BAG3: variants seen among roughly 807,000 people sequenced by gnomAD.
BAG3 encodes the protein BAG cochaperone 3, also known as BAG family molecular chaperone regulator 3.
In BAG3, 14 loss-of-function variants were observed where a neutral mutation model predicts 40.5. The observed-to-expected ratio is 0.35, with a 90% CI of 0.23 to 0.54. BAG3 has a LOEUF of 0.54. Ranked by LOEUF, BAG3 falls within the 20% of genes least tolerant of loss-of-function variation. The probability of loss-of-function intolerance (pLI) is 0.91; values close to 1 mark genes in which losing one functional copy is unlikely to be tolerated. For missense variants in BAG3, 788 were observed against 758.6 expected (o/e 1.04, Z -0.46); for synonymous variants, 302 against 307.8 (o/e 0.98, Z 0.20).
At chr10:119,665,841 G>T (rs752812825) in intron 1 of BAG3, among the ~76,000 whole-genome samples, 5 of 152,024 alleles carry the variant, frequency 3.3e-5, no homozygotes, top group Non-Finnish European at 7.4e-5. Flanking sequence ...TAGAAGGGGA[G>T]CCTGGAACGT....
rs760856949 is a variant in BAG3, at chr10:119,669,894, G to C, written c.224G>C (p.Arg75Thr). 2 of 1,614,190 alleles carry C rather than the reference G, an allele frequency of 1.2e-6. No homozygotes were observed. The highest frequency in any genetic ancestry group is 1.7e-6 in the Non-Finnish European group (2 of 1,180,042). Residue 75 changes from arginine (R) to threonine (T), a missense_variant, in exon 2 of 4, where the codon AGG (arginine) becomes ACG (threonine). Arg to Thr is a moderately conservative substitution (Grantham distance 71). Coordinates refer to ENST00000369085, the MANE Select transcript of BAG3 (RefSeq NM_004281.4). ...SANGPSREGS[R>T]LPPAREGHPV... ...AATGGCCCTTCCCGGGAGGGCTCTA[G>C]GCTGCCGCCTGCTAGGGAAGGCCAC...
chr10:119,674,945 C>G (rs889549404), intron 3 of BAG3, among the ~76,000 whole-genome samples: 10 of 152,108 alleles, frequency 6.6e-5, no homozygotes, highest in African/African-American at 2.2e-4. Context: ...ACTGCACACT[C>G]CAGCCTGGGT....
intron 1 of BAG3, among the ~76,000 whole-genome samples, chr10:119,659,556 TGCAGGTGGGA>T (rs1459882962): frequency 6.6e-6 from 1 of 152,198 alleles, no homozygotes; most frequent in Non-Finnish European, 1.5e-5. Flanking sequence ...GAGAAGCCAC[TGCAGGTGGGA>T]GCAGAGCCCC....
At position 119,672,069 on chromosome 10, in the gene BAG3, G is replaced by A. The variant is rs774272767; in HGVS notation, c.508-186G>A. Among the ~76,000 whole-genome samples the A allele has an allele frequency of 3.9e-5, 6 of 152,194 alleles. No individual in the cohort carries two copies. The highest frequency in any genetic ancestry group is 8.8e-5 in the Non-Finnish European group (6 of 68,032). ...CTCCCAAAGTGCTGGGATTACAGGT[G>A]TGAGCCACCGCGCCCAGCCCCAGAG... is the stretch of plus-strand genomic sequence containing the variant. On this transcript the variant is annotated intron_variant, in intron 2 of 3. Coordinates refer to ENST00000369085, the MANE Select transcript of BAG3 (RefSeq NM_004281.4). The surrounding 1 kb of genome is among the most constrained non-coding windows in gnomAD (Gnocchi z 4.8).
intron 1 of BAG3, among the ~76,000 whole-genome samples, chr10:119,665,830 G>GT (rs2134060766): frequency 6.6e-6 from 1 of 152,188 alleles, no homozygotes; most frequent in East Asian, 1.9e-4. Context: ...CCCCACCAGA[G>GT]TAGAAGGGGA....
Position 119,651,581 on chromosome 10 carries a change from G to A in BAG3, c.-95G>A, listed in dbSNP as rs111750619. ...CGCCGGCTTCCCGGACACGTCGGCG[G>A]CGGAGAGGGGCCCACGGCGGCGGCC... On this transcript the variant is annotated 5_prime_UTR_variant, in exon 1 of 4. Transcript: ENST00000369085. 4,421 of 1,208,440 alleles carry A rather than the reference G, an allele frequency of 3.7e-3. 11 individuals carry two copies. The highest frequency in any genetic ancestry group is 4.2e-3 in the Non-Finnish European group (3,957 of 932,488). The allele number at this position is 1,208,440 out of a possible 1,614,324, so 74.9% of individuals were successfully genotyped here. A position where few individuals can be genotyped will look rare whatever the true frequency, so the allele number is the denominator to read the frequency against.
chr10:119,677,320 T>G lies in BAG3; in HGVS notation c.*38T>G. 6.2e-7 allele frequency: 1 copy of G among 1,611,690 alleles called. No homozygotes were observed. Among genetic ancestry groups the G allele is most frequent in the Non-Finnish European group, 8.5e-7 (1 of 1,179,192 alleles). On this transcript the variant is annotated 3_prime_UTR_variant, in exon 4 of 4. Coordinates refer to ENST00000369085, the MANE Select transcript of BAG3 (RefSeq NM_004281.4). ...AAAAATCAGACTCGGAACCGATGTG[T>G]GCTTTAGGGAATTTTAAGTTGCATG...
At chr10:119,666,557 G>GAGATGCATGAGGTGCTCAGCA (rs1847070666) in intron 1 of BAG3, among the ~76,000 whole-genome samples, 2 of 151,820 alleles carry the variant, frequency 1.3e-5, no homozygotes, top group African/African-American at 2.4e-5. Flanking sequence ...TGTGCTCAGC[G>GAGATGCATGAGGTGCTCAGCA]AGATGCACGA....
At chr10:119,666,739 C>T (rs1847074760) in intron 1 of BAG3, among the ~76,000 whole-genome samples, 1 of 151,382 alleles carries the variant, frequency 6.6e-6, no homozygotes, top group Non-Finnish European at 1.5e-5. Context: ...GGGTTGGGAT[C>T]AGCAGCTCTC....
rs1039369017 is a variant in BAG3, at chr10:119,676,626, C to T, written c.1072C>T (p.Pro358Ser). ...SKPVSQKPPP[P>S]SEKVEVKVPP... ...ACCTGTTTCCCAGAAGCCCCCACCT[C>T]CCTCTGAGAAGGTAGAGGTGAAAGT... is the stretch of plus-strand genomic sequence containing the variant. Residue 358 changes from proline (P) to serine (S), a missense_variant, in exon 4 of 4, where the codon CCC (proline) becomes TCC (serine). By Grantham distance (74) the Pro-to-Ser change is moderately conservative. Transcript: ENST00000369085. 1 of 1,614,174 alleles carries T rather than the reference C, an allele frequency of 6.2e-7. No homozygotes were observed.
At chr10:119,657,487 G>A (rs1564768993) in intron 1 of BAG3, 1 of 469,532 alleles carries the variant, frequency 2.1e-6, no homozygotes, top group Non-Finnish European at 4.4e-6. Context: ...AAGATGGAAC[G>A]AGTGACTGTG....
chr10:119,651,607 C>G lies in BAG3; in HGVS notation c.-69C>G, dbSNP rs1366660374. On this transcript the variant is annotated 5_prime_UTR_variant, in exon 1 of 4. Transcript: ENST00000369085. ...CGGAGAGGGGCCCACGGCGGCGGCC[C>G]GGCCAGAGACTCGGCGCCCGGAGCC... 3.7e-6 allele frequency: 5 copies of G among 1,361,324 alleles called. No homozygotes were observed. Among genetic ancestry groups the G allele is most frequent in the Non-Finnish European group, 4.8e-6 (5 of 1,051,626 alleles). 84.3% of individuals were successfully genotyped at this position (1,361,324 alleles called of 1,614,324 possible).
chr10:119,665,974 C>A (rs1284769846), intron 1 of BAG3, among the ~76,000 whole-genome samples: 2 of 152,154 alleles, frequency 1.3e-5, no homozygotes, highest in Non-Finnish European at 2.9e-5. Context: ...GCCAGGCCGC[C>A]CTTGCCTGTC....
chr10:119,669,844 A>T lies in BAG3; in HGVS notation c.181-7A>T. 6.2e-7 allele frequency: 1 copy of T among 1,613,692 alleles called. No individual in the cohort carries two copies. Among genetic ancestry groups the T allele is most frequent in the Non-Finnish European group, 8.5e-7 (1 of 1,179,788 alleles). On this transcript the variant is annotated splice_region_variant and splice_polypyrimidine_tract_variant and intron_variant, in intron 1 of 3. Coordinates refer to ENST00000369085, the MANE Select transcript of BAG3 (RefSeq NM_004281.4). ...ACCAGCCTGTGTTTCTCCACTTTTTATTTCAGGAGACTCCATCCTCTGCCA... is the reference window on the plus strand; with the variant it reads ...ACCAGCCTGTGTTTCTCCACTTTTTTTTTCAGGAGACTCCATCCTCTGCCA...
At chr10:119,657,240 A>G (rs1046569787) in intron 1 of BAG3, among the ~76,000 whole-genome samples, 11 of 152,238 alleles carry the variant, frequency 7.2e-5, no homozygotes, top group Middle Eastern at 3.2e-3. Context: ...AATGCCATAT[A>G]GAGGACAAGT....
chr10:119,677,111 G>C lies in BAG3; in HGVS notation c.1557G>C (p.Gln519His). The change falls in exon 4 of 4, where the codon CAG becomes CAC. Residue 519 changes from glutamine to histidine, a missense_variant. Gln to His is a conservative substitution (Grantham distance 24). Coordinates refer to ENST00000369085, the MANE Select transcript of BAG3 (RefSeq NM_004281.4). ...AGCCCAGCAACCTTGAAGCAGATCAGCCACTGCAGGCAATCATGGAGATGG... is the reference window on the plus strand; with the variant it reads ...AGCCCAGCAACCTTGAAGCAGATCACCCACTGCAGGCAATCATGGAGATGG... ...ELQPSNLEADQPLQAIMEMGA... is the reference protein window; with the variant it reads ...ELQPSNLEADHPLQAIMEMGA... The C allele has an allele frequency of 6.2e-7, 1 of 1,614,162 alleles. No homozygotes were observed. The highest frequency in any genetic ancestry group is 8.5e-7 in the Non-Finnish European group (1 of 1,180,022).
In BAG3 at chr10:119,669,991, G is replaced by C. The variant is rs535062329; in HGVS notation, c.321G>C (p.Gln107His). 6.8e-6 allele frequency: 11 copies of C among 1,614,260 alleles called. No individual in the cohort carries two copies. The African/African-American group carries it at 1.2e-4, about 18-fold the overall frequency. Residue 107 changes from glutamine (Q) to histidine (H), a missense_variant, in exon 2 of 4, where the codon CAG (glutamine) becomes CAC (histidine). Physicochemically the swap from Gln to His is conservative, Grantham distance 24. Coordinates refer to ENST00000369085, the MANE Select transcript of BAG3 (RefSeq NM_004281.4). ...TCCATGAAGGCGCTGAGAACCGGCA[G>C]GTGCACCCTTTCCATGTCTATCCCC... ...PVLHEGAENRQVHPFHVYPQP... is the reference protein window; with the variant it reads ...PVLHEGAENRHVHPFHVYPQP...
intron 1 of BAG3, among the ~76,000 whole-genome samples, chr10:119,669,141 T>A (rs1847105343): frequency 1.3e-5 from 2 of 152,116 alleles, no homozygotes; most frequent in African/African-American, 4.8e-5. Flanking sequence ...AAACTTGACT[T>A]TACAAGGAAG....
intron 3 of BAG3, among the ~76,000 whole-genome samples, chr10:119,674,163 C>T (rs72842207): frequency 0.15 from 22,245 of 152,290 alleles, 2,098 homozygotes; most frequent in Non-Finnish European, 0.21. Context: ...GGCTGTGGAA[C>T]ACCCTCTCTA....
Sources: gnomAD v4.1 joint callset for allele counts (sites outside exome capture counted in the v4.1 genomes callset) on GRCh38, gnomAD v4.1.1 for gene constraint, Gnocchi (gnomAD v3.1) non-coding constraint, MANE v1.5 for transcripts, NCBI Gene and HGNC (gene_info 2026-07-23, HGNC 2026-07-21) for gene names.